Variants in ARSG observed in about 807,000 individuals in gnomAD.
ARSG encodes the protein ASG.
ARSG carries 37 observed loss-of-function variants against 50.5 expected under a neutral mutation model. That is an observed-to-expected ratio of 0.73 (90% CI 0.56 to 0.96). The LOEUF is 0.96. ARSG is among the 50% of genes least tolerant of loss of function. The pLI is 0.00. For synonymous variants in ARSG, 225 were observed against 254.6 expected (o/e 0.88, Z 1.11); for missense variants, 629 against 675.3 (o/e 0.93, Z 0.76).
At chr17:68,284,050 C>T (rs2075784700) in intron 1 of ARSG, among the ~76,000 whole-genome samples, 1 of 146,970 alleles carries the variant, frequency 6.8e-6, no homozygotes, top group African/African-American at 2.5e-5. Context: ...GAGGTCACAC[C>T]ACTGCACTCC....
intron 2 of ARSG, among the ~76,000 whole-genome samples, chr17:68,343,136 C>T (rs919471679): frequency 6.6e-6 from 1 of 152,072 alleles, no homozygotes; most frequent in Non-Finnish European, 1.5e-5. Context: ...ACCCAGAAAT[C>T]CTATTTCCTT....
chr17:68,299,021 A>G (rs2076311984), intron 1 of ARSG, among the ~76,000 whole-genome samples: 1 of 152,176 alleles, frequency 6.6e-6, no homozygotes, highest in Non-Finnish European at 1.5e-5. Flanking sequence ...AAAAATAGAA[A>G]AGATAGTACA....
chr17:68,306,573 C>A (rs2076617863), intron 1 of ARSG, among the ~76,000 whole-genome samples: 2 of 152,294 alleles, frequency 1.3e-5, no homozygotes, highest in South Asian at 4.1e-4. Context: ...TTGACTGTTA[C>A]AAATAACCAT....
Position 68,347,160 on chromosome 17 carries a change from C to T in ARSG, c.442C>T (p.Pro148Ser), listed in dbSNP as rs777666535. The change falls in exon 4 of 12, where the codon CCC becomes TCC. Residue 148 changes from proline to serine, a missense_variant. Transcript: ENST00000621439. The stretch of plus-strand genomic sequence containing the variant: ...TCTTGGACACCACGGCTCTTATCAC[C>T]CCAACTTCCGTGGTAAGAATTCTTT... ...WHLGHHGSYH[P>S]NFRGFDYYFG... 6.2e-7 allele frequency: 1 copy of T among 1,613,858 alleles called. No individual in the cohort carries two copies. The highest frequency in any genetic ancestry group is 1.3e-5 in the African/African-American group (1 of 74,902).
At chr17:68,374,407 T>G (rs542115731) in intron 8 of ARSG, among the ~76,000 whole-genome samples, 113 of 152,228 alleles carry the variant, frequency 7.4e-4, no homozygotes, top group Non-Finnish European at 1.3e-3. Context: ...GTAAGTGGCT[T>G]CTCCGTGGGG....
upstream of ARSG, chr17:68,259,180 C>T (rs1568393812): frequency 6.6e-6 from 1 of 152,266 alleles, no homozygotes; most frequent in Non-Finnish European, 1.5e-5. Context: ...GTCGCTGTCC[C>T]CGGCTGCGCC....
At chr17:68,328,335 A>G (rs1367920510) in intron 2 of ARSG, among the ~76,000 whole-genome samples, 1 of 152,148 alleles carries the variant, frequency 6.6e-6, no homozygotes, top group Non-Finnish European at 1.5e-5. Flanking sequence ...AATTCTTCAA[A>G]TAACTTGATG....
the ARSG span, among the ~76,000 whole-genome samples, chr17:68,437,016 A>ATATATATG: frequency 6.9e-6 from 1 of 144,578 alleles, no homozygotes; most frequent in African/African-American, 2.6e-5. Context: ...ATATATATAT[A>ATATATATG]TGTGTGTGTG....
At chr17:68,433,529 G>C in the ARSG span, 20 of 1,613,896 alleles carry the variant, frequency 1.2e-5, no homozygotes, top group African/African-American at 1.7e-4. Context: ...GAGGCGCAGA[G>C]GAATTGTGAA....
intron 6 of ARSG, among the ~76,000 whole-genome samples, chr17:68,364,799 T>C (rs751073206): frequency 6.6e-5 from 10 of 152,232 alleles, no homozygotes; most frequent in Non-Finnish European, 1.2e-4. Context: ...ATCAGTATTT[T>C]TTTAAAGCAT....
intron 3 of ARSG, among the ~76,000 whole-genome samples, chr17:68,344,308 AC>A (rs1306044130): frequency 1.3e-5 from 2 of 152,158 alleles, no homozygotes; most frequent in Non-Finnish European, 2.9e-5. Flanking sequence ...GAAACTGGGG[AC>A]AGCATTGTAG....
In ARSG at chr17:68,306,941, A is replaced by G. The variant is rs2145582408; in HGVS notation, c.-551-2A>G. ...TTTTCTTGTCAATTTTTGTTCTTTC[A>G]GGAAACCTTACAGAAACATGAAGCC... On this transcript the variant is annotated splice_acceptor_variant, in intron 1 of 11. Transcript: ENST00000621439. LOFTEE classifies it low-confidence loss of function (5UTR_SPLICE). 1 of 152,410 alleles carries G rather than the reference A, an allele frequency of 6.6e-6. No individual in the cohort carries two copies. The highest frequency in any genetic ancestry group is 1.5e-5 in the Non-Finnish European group (1 of 68,124). 9.4% of individuals were successfully genotyped at this position (152,410 alleles called of 1,614,324 possible).
At position 68,293,978 on chromosome 17, in the gene ARSG, G is replaced by A. The variant is rs535330271; in HGVS notation, c.-552+2410G>A. Reference sequence around the variant, plus strand: ...TGCTTTTTTAACTTCTCCAGAGAAAGCACTGCATTGCCATGCTAATCAACG... The same window carrying A: ...TGCTTTTTTAACTTCTCCAGAGAAAACACTGCATTGCCATGCTAATCAACG... On this transcript the variant is annotated intron_variant, in intron 1 of 11. Coordinates refer to ENST00000621439, the MANE Select transcript of ARSG (RefSeq NM_001267727.2). 3.3e-5 allele frequency among the ~76,000 whole-genome samples: 5 copies of A among 152,304 alleles called. No individual in the cohort carries two copies. In the South Asian group the frequency reaches 8.3e-4, roughly 25 times the overall value.
At chr17:68,260,287 T>C (rs1555744979) in intron 1 of ARSG, among the ~76,000 whole-genome samples, 1 of 152,160 alleles carries the variant, frequency 6.6e-6, no homozygotes, top group African/African-American at 2.4e-5. Context: ...TTATTCGTTG[T>C]TTTCACTGTG....
the ARSG span, chr17:68,444,358 G>A: frequency 1.3e-6 from 1 of 754,748 alleles, no homozygotes. Context: ...TTAAGACAAA[G>A]CTTCGAGATA....
intron 1 of ARSG, among the ~76,000 whole-genome samples, chr17:68,292,838 C>T (rs2145277518): frequency 6.6e-6 from 1 of 152,258 alleles, no homozygotes; most frequent in South Asian, 2.1e-4. Flanking sequence ...CAGTAGTGTA[C>T]AGCCAAGGGG....
intron 5 of ARSG, among the ~76,000 whole-genome samples, chr17:68,355,991 C>T (rs2079015647): frequency 6.6e-6 from 1 of 152,174 alleles, no homozygotes; most frequent in Non-Finnish European, 1.5e-5. Flanking sequence ...AAATGATTCT[C>T]CTGCCTCAGC....
At chr17:68,400,508 T>C (rs1208720378) in intron 10 of ARSG, 1 of 152,192 alleles carries the variant, frequency 6.6e-6, no homozygotes, top group Admixed American at 6.5e-5. Context: ...AAGAAGCCTT[T>C]CTTCAAAGAC....
intron 11 of ARSG, among the ~76,000 whole-genome samples, chr17:68,413,291 G>T (rs1280650630): frequency 6.6e-6 from 1 of 151,964 alleles, no homozygotes; most frequent in African/African-American, 2.4e-5. Context: ...ATGTACAGAT[G>T]GGTTTTTGGT....
Sources: gnomAD v4.1 joint callset for allele counts (sites outside exome capture counted in the v4.1 genomes callset) on GRCh38, gnomAD v4.1.1 for gene constraint, MANE v1.5 for transcripts, NCBI Gene and HGNC (gene_info 2026-07-23, HGNC 2026-07-21) for gene names.